The following LNX1 variants were observed in gnomAD, a reference collection of about 807,000 sequenced individuals.
The protein encoded by LNX1 is ligand of numb-protein X 1, also known as E3 ubiquitin-protein ligase LNX.
A neutral mutation model predicts 68.4 loss-of-function variants in LNX1; 54 were observed. The ratio of observed to expected loss-of-function variants is 0.79; its 90% confidence interval spans 0.63 to 0.99. LNX1 has a LOEUF of 0.99. Among genes scored for constraint, LNX1 ranks in the 50% least tolerant of loss-of-function variants. The pLI is 0.00. For synonymous variants in LNX1, 336 were observed against 350.0 expected (o/e 0.96, Z 0.45); for missense variants, 906 against 926.4 (o/e 0.98, Z 0.29).
chr4:53,475,274 A>C (rs1192082968), intron 9 of LNX1, among the ~76,000 whole-genome samples: 1 of 152,230 alleles, frequency 6.6e-6, no homozygotes, highest in Admixed American at 6.5e-5. Context: ...AATAGATCCT[A>C]GTTTCAGAAA....
At chr4:53,636,922 T>G (rs1334767208) in intron 1 of LNX1, among the ~76,000 whole-genome samples, 1 of 151,494 alleles carries the variant, frequency 6.6e-6, no homozygotes, top group African/African-American at 2.4e-5. Flanking sequence ...ACACTTATCT[T>G]GTATGCAGAC....
intron 2 of LNX1, among the ~76,000 whole-genome samples, chr4:53,526,290 G>C (rs1321102099): frequency 6.6e-6 from 1 of 152,126 alleles, no homozygotes. Flanking sequence ...GAATGTTGAT[G>C]TAAAATGATG....
At chr4:53,510,169 G>A (rs965620668) in intron 2 of LNX1, among the ~76,000 whole-genome samples, 5 of 152,194 alleles carry the variant, frequency 3.3e-5, no homozygotes, top group African/African-American at 1.2e-4. Context: ...TTCATGCCAA[G>A]CAACACAACC....
chr4:53,641,933 G>A (rs1734701467), intron 1 of LNX1, among the ~76,000 whole-genome samples: 2 of 152,078 alleles, frequency 1.3e-5, no homozygotes, highest in African/African-American at 4.8e-5. Flanking sequence ...CTGTTGATGG[G>A]CATTTGGGTT....
At chr4:53,544,575 G>A (rs776321921) in intron 2 of LNX1, among the ~76,000 whole-genome samples, 1 of 152,204 alleles carries the variant, frequency 6.6e-6, no homozygotes, top group Non-Finnish European at 1.5e-5. Context: ...AGAACCCAAG[G>A]AGGCCAAAAG....
Position 53,522,726 on chromosome 4 carries a change from A to C in LNX1, c.381-14499T>G, listed in dbSNP as rs73145486. 8.2e-3 allele frequency among the ~76,000 whole-genome samples: 1,254 copies of C among 152,300 alleles called. 20 individuals are homozygous for C. Among genetic ancestry groups the C allele is most frequent in the African/African-American group, 0.028 (1,182 of 41,562 alleles). ...TTCAAAAGTAATTGAGGCTCAGAGAAGAAACTTTTTAGAATATGGAAAATA... is the reference window on the plus strand; with the variant it reads ...TTCAAAAGTAATTGAGGCTCAGAGACGAAACTTTTTAGAATATGGAAAATA... On this transcript the variant is annotated intron_variant, in intron 2 of 10. Coordinates refer to ENST00000263925, the MANE Select transcript of LNX1 (RefSeq NM_001126328.3).
intron 2 of LNX1, among the ~76,000 whole-genome samples, chr4:53,608,096 C>T (rs1377247755): frequency 6.6e-6 from 1 of 151,988 alleles, no homozygotes; most frequent in East Asian, 1.9e-4. Context: ...GCAATTGCAA[C>T]AAAAACAAAA....
chr4:53,570,624 C>G (rs1731082149), intron 2 of LNX1, among the ~76,000 whole-genome samples: 1 of 150,702 alleles, frequency 6.6e-6, no homozygotes, highest in South Asian at 2.1e-4. Flanking sequence ...TGTAACTAAC[C>G]TGCGTAATGT....
Position 53,459,924 on chromosome 4 carries a change from AT to A in LNX1, c.*982del. ...GCTTAGTATATTAAGAGACTCATAC[AT>A]TTTTGATATCACAACTTTTTGATGG... On this transcript the variant is annotated 3_prime_UTR_variant, in exon 11 of 11. Coordinates refer to ENST00000263925, the MANE Select transcript of LNX1 (RefSeq NM_001126328.3). 4.6e-6 allele frequency: 1 copy of A among 218,942 alleles called. No homozygotes were observed. Among genetic ancestry groups the A allele is most frequent in the Non-Finnish European group, 9.2e-6 (1 of 108,962 alleles). 13.6% of individuals were successfully genotyped at this position (218,942 alleles called of 1,614,324 possible). A position where few individuals can be genotyped will look rare whatever the true frequency, so the allele number is the denominator to read the frequency against.
Position 53,587,995 on chromosome 4 carries a change from G to A in LNX1, c.-87+3393C>T, listed in dbSNP as rs111775227. On this transcript the variant is annotated intron_variant, in intron 1 of 10. Coordinates refer to ENST00000263925, the MANE Select transcript of LNX1 (RefSeq NM_001126328.3). ...TTTTGCTCAGTCTTTGGCCCTCAACGTACTACCGTTTCCATCATTATTACA... is the reference window on the plus strand; with the variant it reads ...TTTTGCTCAGTCTTTGGCCCTCAACATACTACCGTTTCCATCATTATTACA... 3.4e-3 allele frequency among the ~76,000 whole-genome samples: 521 copies of A among 152,268 alleles called. 4 individuals are homozygous for A. The highest frequency in any genetic ancestry group is 0.012 in the African/African-American group (495 of 41,554).
chr4:53,472,079 A>T lies in LNX1; in HGVS notation c.1892+4674T>A, dbSNP rs528375680. On this transcript the variant is annotated intron_variant, in intron 9 of 10. Transcript: ENST00000263925. ...ACTATTCACAATAACAAAGACTTGGAACCAACCCAAATTTCCAACAATGAT... is the reference window on the plus strand; with the variant it reads ...ACTATTCACAATAACAAAGACTTGGTACCAACCCAAATTTCCAACAATGAT... Among the ~76,000 whole-genome samples the T allele has an allele frequency of 2.6e-5, 4 of 152,356 alleles. No homozygotes were observed. The South Asian group carries it at 8.3e-4, about 32-fold the overall frequency.
At chr4:53,509,449 G>C (rs1726167961) in intron 2 of LNX1, among the ~76,000 whole-genome samples, 1 of 152,180 alleles carries the variant, frequency 6.6e-6, no homozygotes, top group African/African-American at 2.4e-5. Context: ...TAGAATCATA[G>C]AAATGGCAAG....
chr4:53,471,413 T>G (rs1395802887), intron 9 of LNX1, among the ~76,000 whole-genome samples: 2 of 152,134 alleles, frequency 1.3e-5, no homozygotes, highest in Admixed American at 1.3e-4. Context: ...GGCATTACCA[T>G]TCAGGACATA....
Position 53,460,844 on chromosome 4 carries a change from A to G in LNX1, c.*63T>C, listed in dbSNP as rs1420366792. The G allele has an allele frequency of 3.7e-5, 51 of 1,388,884 alleles. No homozygotes were observed. In the South Asian group the frequency reaches 6.2e-4, roughly 17 times the overall value. The allele number at this position is 1,388,884 out of a possible 1,614,324, so 86.0% of individuals were successfully genotyped here. A position where few individuals can be genotyped will look rare whatever the true frequency, so the allele number is the denominator to read the frequency against. ...AAATATAAAAACTGACAAGATAAAT[A>G]TAGTGTTTCAACTTCTTAGCCTATT... On this transcript the variant is annotated 3_prime_UTR_variant, in exon 11 of 11. Coordinates refer to ENST00000263925, the MANE Select transcript of LNX1 (RefSeq NM_001126328.3).
chr4:53,574,067 G>A lies in LNX1; in HGVS notation c.-65C>T. 1 of 1,532,882 alleles carries A rather than the reference G, an allele frequency of 6.5e-7. No individual in the cohort carries two copies. Among genetic ancestry groups the A allele is most frequent in the Non-Finnish European group, 8.8e-7 (1 of 1,142,316 alleles). The allele number at this position is 1,532,882 out of a possible 1,614,324, so 95.0% of individuals were successfully genotyped here. A position where few individuals can be genotyped will look rare whatever the true frequency, so the allele number is the denominator to read the frequency against. ...CAATATTTCCTCAGGAGCAAGTCAA[G>A]ATCTAGGAGACATCCACACACCTAA... On this transcript the variant is annotated 5_prime_UTR_variant, in exon 2 of 11. Transcript: ENST00000263925.
At chr4:53,575,291 C>G (rs1323048634) in intron 1 of LNX1, among the ~76,000 whole-genome samples, 1 of 152,156 alleles carries the variant, frequency 6.6e-6, no homozygotes, top group Non-Finnish European at 1.5e-5. Context: ...CTAGATATTT[C>G]TTTTAAACAG....
chr4:53,554,285 T>A (rs1342645236), intron 2 of LNX1, among the ~76,000 whole-genome samples: 1 of 152,250 alleles, frequency 6.6e-6, no homozygotes, highest in East Asian at 1.9e-4. Context: ...TTGCCAGTTC[T>A]GGGTCTGCTC....
In LNX1 at chr4:53,561,711, G is replaced by A. The variant is rs199833713; in HGVS notation, c.380+11912C>T. ...GGAAAATATTCCCAGCCAGCCTTCA[G>A]CCACGTATGTCTTGGGCCAATTACA... On this transcript the variant is annotated intron_variant, in intron 2 of 10. Coordinates refer to ENST00000263925, the MANE Select transcript of LNX1 (RefSeq NM_001126328.3). Among the ~76,000 whole-genome samples the A allele has an allele frequency of 2.0e-5, 3 of 152,266 alleles. No individual in the cohort carries two copies. The East Asian group carries it at 5.8e-4, about 29-fold the overall frequency.
chr4:53,552,820 C>A, intron 2 of LNX1, among the ~76,000 whole-genome samples: 1 of 116,878 alleles, frequency 8.6e-6, no homozygotes. Context: ...CAGAGCAAGA[C>A]TCCATCTCAA....
Sources: gnomAD v4.1 joint callset for allele counts (sites outside exome capture counted in the v4.1 genomes callset) on GRCh38, gnomAD v4.1.1 for gene constraint, MANE v1.5 for transcripts, NCBI Gene and HGNC (gene_info 2026-07-23, HGNC 2026-07-21) for gene names.